Variants in NYAP2 observed in about 807,000 individuals in gnomAD.
NYAP2 encodes neuronal tyrosine-phosphorylated phosphoinositide-3-kinase adapter 2.
Under a neutral mutation model 50.4 loss-of-function variants are expected in NYAP2, and 23 were observed. The observed-to-expected ratio is 0.46, with a 90% CI of 0.33 to 0.65. The LOEUF is 0.65. Ranked by LOEUF, NYAP2 falls within the 30% of genes least tolerant of loss-of-function variation. The pLI is 0.02. For synonymous variants in NYAP2, 394 were observed against 365.2 expected, an observed-to-expected ratio of 1.08 and a Z score of -0.90; for missense variants, 885 against 861.0, an observed-to-expected ratio of 1.03 and a Z score of -0.35.
At chr2:225,529,295 T>C (rs1225330264) in intron 4 of NYAP2, among the ~76,000 whole-genome samples, 1 of 151,992 alleles carries the variant, frequency 6.6e-6, no homozygotes, top group East Asian at 1.9e-4. Flanking sequence ...AGCTTGCCTA[T>C]CTTTTGTTTG....
intron 6 of NYAP2, among the ~76,000 whole-genome samples, chr2:225,631,135 A>G (rs1026100772): frequency 6.6e-6 from 1 of 152,216 alleles, no homozygotes; most frequent in African/African-American, 2.4e-5. Context: ...TGAAACAGTT[A>G]GATAGTCCAT....
chr2:225,464,733 C>A (rs1234513096), intron 3 of NYAP2, among the ~76,000 whole-genome samples: 4 of 152,210 alleles, frequency 2.6e-5, no homozygotes, highest in Non-Finnish European at 5.9e-5. Context: ...TAAAGTATAT[C>A]TTTCCAACCC....
intron 3 of NYAP2, among the ~76,000 whole-genome samples, chr2:225,468,499 T>C (rs1361183022): frequency 6.6e-6 from 1 of 151,960 alleles, no homozygotes; most frequent in Admixed American, 6.6e-5. Flanking sequence ...CACAAACAAG[T>C]GGGGAAAGAA....
At chr2:225,572,145 C>T (rs1692084352) in intron 4 of NYAP2, among the ~76,000 whole-genome samples, 1 of 152,210 alleles carries the variant, frequency 6.6e-6, no homozygotes, top group Non-Finnish European at 1.5e-5. Flanking sequence ...CAACAAGTCT[C>T]TCTAGGAAGT....
intron 6 of NYAP2, among the ~76,000 whole-genome samples, chr2:225,643,993 G>C (rs1273282748): frequency 6.8e-6 from 1 of 147,542 alleles, no homozygotes; most frequent in Non-Finnish European, 1.5e-5. Flanking sequence ...GGTATTTCTA[G>C]TTCTAGATCC....
chr2:225,682,997 A>G, the NYAP2 span, among the ~76,000 whole-genome samples: 1 of 131,730 alleles, frequency 7.6e-6, no homozygotes, highest in East Asian at 2.3e-4. Flanking sequence ...AAACTAGGGT[A>G]GTAATAGTCA....
chr2:225,622,229 A>G (rs2054078), intron 5 of NYAP2, among the ~76,000 whole-genome samples: 145,017 of 152,246 alleles, frequency 0.95, 69,176 homozygotes, highest in African/African-American at 0.99. Context: ...ACAGTGTCTC[A>G]CTATGTTGCC....
chr2:225,688,117 T>A, the NYAP2 span, among the ~76,000 whole-genome samples: 1 of 152,164 alleles, frequency 6.6e-6, no homozygotes, highest in Non-Finnish European at 1.5e-5. Context: ...GTGTCTCAAC[T>A]TCAGCCAAAG....
chr2:225,695,886 G>C, the NYAP2 span, among the ~76,000 whole-genome samples: 293 of 151,846 alleles, frequency 1.9e-3, no homozygotes, highest in African/African-American at 6.8e-3. Context: ...ACACCAAAAG[G>C]CATAAAATAC....
chr2:225,582,121 C>A lies in NYAP2; in HGVS notation c.704C>A (p.Ala235Glu). The A allele has an allele frequency of 6.2e-7, 1 of 1,613,894 alleles. No homozygotes were observed. The highest frequency in any genetic ancestry group is 8.5e-7 in the Non-Finnish European group (1 of 1,179,810). Residue 235 changes from alanine to glutamate, a missense_variant, in exon 5 of 7, where the codon GCG (alanine) becomes GAG (glutamate). Physicochemically the swap from Ala to Glu is moderately radical, Grantham distance 107. Coordinates refer to ENST00000636099, the Ensembl canonical transcript of NYAP2. This position sits in a 1 kb window ranked among gnomAD's most constrained non-coding sequence, Gnocchi z 7.0. The stretch of plus-strand genomic sequence containing the variant: ...TCCTTGTCCCAGATGGGCAGCCCCG[C>A]GGGAGACCCCGAGGAAGAGGAGCCC...
At chr2:225,494,672 T>C (rs965084576) in intron 3 of NYAP2, among the ~76,000 whole-genome samples, 3 of 152,170 alleles carry the variant, frequency 2.0e-5, no homozygotes, top group African/African-American at 4.8e-5. Flanking sequence ...AAGGTAAGGT[T>C]TGGTATTTTT....
At chr2:225,643,421 G>A (rs1256654419) in intron 6 of NYAP2, among the ~76,000 whole-genome samples, 2 of 151,306 alleles carry the variant, frequency 1.3e-5, no homozygotes, top group East Asian at 1.9e-4. Context: ...TCTTTTTTTC[G>A]GCTCCCTTAT....
At chr2:225,533,699 A>G (rs891332539) in intron 4 of NYAP2, among the ~76,000 whole-genome samples, 2 of 152,132 alleles carry the variant, frequency 1.3e-5, no homozygotes, top group African/African-American at 2.4e-5. Context: ...AAAAAAAAAA[A>G]GTACATAGAA....
At chr2:225,552,093 G>A (rs1389594297) in intron 4 of NYAP2, among the ~76,000 whole-genome samples, 1 of 152,162 alleles carries the variant, frequency 6.6e-6, no homozygotes, top group Non-Finnish European at 1.5e-5. Context: ...AATTACAGGT[G>A]CGAGCCACTG....
chr2:225,524,924 G>A (rs886162919), intron 4 of NYAP2, among the ~76,000 whole-genome samples: 2 of 151,954 alleles, frequency 1.3e-5, no homozygotes, highest in African/African-American at 4.8e-5. Context: ...GTAGGCAAAG[G>A]ACATATATAG....
intron 4 of NYAP2, among the ~76,000 whole-genome samples, chr2:225,575,764 G>T (rs1165036186): frequency 6.6e-6 from 1 of 152,150 alleles, no homozygotes; most frequent in East Asian, 1.9e-4. Flanking sequence ...GGGAGAAAAA[G>T]AATTTATAGA....
chr2:225,409,576 G>A (rs924359839), intron 3 of NYAP2, among the ~76,000 whole-genome samples: 2 of 151,982 alleles, frequency 1.3e-5, no homozygotes, highest in African/African-American at 4.8e-5. Context: ...TCCTCAGGGT[G>A]TGCTCTCCCT....
intron 6 of NYAP2, 38 bp downstream of exon 6, chr2:225,627,164 C>G (rs375805985): frequency 5.1e-5 from 74 of 1,455,222 alleles, no homozygotes; most frequent in Non-Finnish European, 6.6e-5. Context: ...GTAATTCCTC[C>G]TGTCTCTAGA....
intron 6 of NYAP2, among the ~76,000 whole-genome samples, chr2:225,638,745 A>C (rs2106264544): frequency 6.6e-6 from 1 of 152,272 alleles, no homozygotes; most frequent in East Asian, 1.9e-4. Flanking sequence ...AGAGGGTGAG[A>C]GACACTAGCC....
Sources: allele counts gnomAD v4.1 joint callset (sites outside exome capture counted in the v4.1 genomes callset), GRCh38; gene constraint gnomAD v4.1.1; non-coding constraint Gnocchi (gnomAD v3.1); transcripts MANE v1.5; gene names NCBI Gene and HGNC (gene_info 2026-07-23, HGNC 2026-07-21).